The following SMYD3 variants were observed in gnomAD, a reference collection of about 807,000 sequenced individuals.
SMYD3 encodes SET and MYND domain containing 3.
A neutral mutation model predicts 57.7 loss-of-function variants in SMYD3; 36 were observed. The observed-to-expected ratio is 0.62, with a 90% CI of 0.48 to 0.82. SMYD3 has a LOEUF of 0.82. Ranked by LOEUF, SMYD3 falls within the 40% of genes least tolerant of loss-of-function variation. The probability of loss-of-function intolerance (pLI) is 0.00; values close to 1 mark genes in which losing one functional copy is unlikely to be tolerated. For synonymous variants in SMYD3, 211 were observed against 195.0 expected (o/e 1.08, Z -0.68); for missense variants, 515 against 538.8 (o/e 0.96, Z 0.44).
intron 5 of SMYD3, among the ~76,000 whole-genome samples, chr1:246,115,658 G>C (rs1001860459): frequency 6.6e-6 from 1 of 152,222 alleles, no homozygotes. Context: ...TCACTGGACA[G>C]TTGTCCCCAG....
At chr1:246,250,044 T>G (rs1479172015) in intron 5 of SMYD3, among the ~76,000 whole-genome samples, 5 of 152,178 alleles carry the variant, frequency 3.3e-5, no homozygotes, top group African/African-American at 1.2e-4. Flanking sequence ...CGCATTCCTT[T>G]CCCTCCCCCT....
chr1:246,504,485 G>C (rs2068506003), intron 1 of SMYD3, among the ~76,000 whole-genome samples: 1 of 152,148 alleles, frequency 6.6e-6, no homozygotes, highest in Admixed American at 6.6e-5. Flanking sequence ...CACAGAAAAA[G>C]TACAGTTAAA....
Position 245,863,060 on chromosome 1 carries a change from A to G in SMYD3, c.901+739T>C, listed in dbSNP as rs191474823. Among the ~76,000 whole-genome samples the G allele has an allele frequency of 1.9e-4, 29 of 152,328 alleles. 1 individual carries two copies. The highest frequency in any genetic ancestry group is 5.9e-5 in the Non-Finnish European group (4 of 68,026). On this transcript the variant is annotated intron_variant, in intron 9 of 11. Coordinates refer to ENST00000490107, the MANE Select transcript of SMYD3 (RefSeq NM_001167740.2). ...CTGCTATGTTCTTAGTGCCTGGGAT[A>G]TAAATTTACCCCAGAGCCTCTGAAT... is the stretch of plus-strand genomic sequence containing the variant.
intron 7 of SMYD3, among the ~76,000 whole-genome samples, chr1:245,919,330 CACAGTTATGT>C: frequency 6.6e-6 from 1 of 152,300 alleles, no homozygotes; most frequent in South Asian, 2.1e-4. Flanking sequence ...CCCAGCCTGT[CACAGTTATGT>C]ACATTGCTAG....
chr1:246,240,366 G>C (rs1288113501), intron 5 of SMYD3, among the ~76,000 whole-genome samples: 1 of 152,100 alleles, frequency 6.6e-6, no homozygotes, highest in Non-Finnish European at 1.5e-5. Flanking sequence ...CCCATTTCTT[G>C]TTTTTGTCAG....
chr1:246,182,533 T>A (rs1391507591), intron 5 of SMYD3, among the ~76,000 whole-genome samples: 1 of 151,758 alleles, frequency 6.6e-6, no homozygotes, highest in African/African-American at 2.4e-5. Flanking sequence ...CACCTAGATA[T>A]ATGACTCCCA....
At chr1:246,136,864 C>G (rs1015970863) in intron 5 of SMYD3, among the ~76,000 whole-genome samples, 1 of 152,200 alleles carries the variant, frequency 6.6e-6, no homozygotes, top group Admixed American at 6.5e-5. Context: ...AAAGACATTT[C>G]TTAGACTTCT....
intron 3 of SMYD3, among the ~76,000 whole-genome samples, chr1:246,332,027 G>C (rs2065470002): frequency 6.6e-6 from 1 of 152,138 alleles, no homozygotes; most frequent in Non-Finnish European, 1.5e-5. Flanking sequence ...TCAGGCCTCT[G>C]TATTCTCTGA....
intron 5 of SMYD3, among the ~76,000 whole-genome samples, chr1:246,268,948 G>A (rs950820): frequency 0.33 from 50,528 of 151,702 alleles, 9,242 homozygotes; most frequent in East Asian, 0.72. Context: ...CTTCATCACC[G>A]TTAACCCAAT....
intron 5 of SMYD3, among the ~76,000 whole-genome samples, chr1:246,208,574 C>T (rs751064333): frequency 6.6e-6 from 1 of 152,158 alleles, no homozygotes; most frequent in African/African-American, 2.4e-5. Context: ...TAGATGCAAA[C>T]ACGCAGCTCC....
intron 5 of SMYD3, among the ~76,000 whole-genome samples, chr1:245,967,645 T>C (rs2058190124): frequency 6.6e-6 from 1 of 152,204 alleles, no homozygotes; most frequent in East Asian, 1.9e-4. Flanking sequence ...ACAGACTTAG[T>C]TCAACTGGAA....
chr1:245,858,167 T>C (rs1291272852), intron 10 of SMYD3, among the ~76,000 whole-genome samples: 1 of 152,208 alleles, frequency 6.6e-6, no homozygotes, highest in African/African-American at 2.4e-5. Flanking sequence ...TGCGTTCCTC[T>C]ACAGCTCCCC....
chr1:246,216,367 A>AC (rs1023604351), intron 5 of SMYD3, among the ~76,000 whole-genome samples: 1 of 151,890 alleles, frequency 6.6e-6, no homozygotes, highest in African/African-American at 2.4e-5. Context: ...CAATATGGTG[A>AC]CCCCAACAAC....
rs1432464049 is a variant in SMYD3, at chr1:246,233,011, T to C, written c.531+94190A>G. Among the ~76,000 whole-genome samples the C allele has an allele frequency of 4.5e-5, 6 of 132,540 alleles. 1 individual carries two copies. Among genetic ancestry groups the C allele is most frequent in the African/African-American group, 1.4e-4 (5 of 36,366 alleles). The allele number at this position is 132,540 out of a possible 152,430, so 87.0% of individuals were successfully genotyped here. ...CGCAGAGGAGAAGCGCTCCTTCAAT[T>C]CACACTGTGATGAACATATACCACA... On this transcript the variant is annotated intron_variant, in intron 5 of 11. Transcript: ENST00000490107.
chr1:246,393,853 T>C (rs909108628), intron 1 of SMYD3, among the ~76,000 whole-genome samples: 4 of 152,076 alleles, frequency 2.6e-5, no homozygotes, highest in African/African-American at 9.7e-5. Context: ...AGACCCTGTC[T>C]TTATAAAAAA....
chr1:245,884,764 G>A (rs12749150), intron 8 of SMYD3, among the ~76,000 whole-genome samples: 5 of 67,428 alleles, frequency 7.4e-5, no homozygotes, highest in Admixed American at 1.5e-4. Flanking sequence ...ACCAATCAGC[G>A]CTCTGTGTCT....
rs1485768612 is a variant in SMYD3, at chr1:246,229,381, ATTGT to A, written c.531+97816_531+97819del. Among the ~76,000 whole-genome samples the A allele has an allele frequency of 5.3e-5, 8 of 152,334 alleles. 1 individual carries two copies. Among genetic ancestry groups the A allele is most frequent in the African/African-American group, 1.9e-4 (8 of 41,592 alleles). ...ATAAGTTTGTGATAGAAGGTGTTAC[ATTGT>A]TTCAGTCTACCTGCCATTGAACAAA... is the stretch of plus-strand genomic sequence containing the variant. On this transcript the variant is annotated intron_variant, in intron 5 of 11. Coordinates refer to ENST00000490107, the MANE Select transcript of SMYD3 (RefSeq NM_001167740.2).
chr1:245,875,644 T>C (rs2052445782), intron 8 of SMYD3, among the ~76,000 whole-genome samples: 2 of 152,208 alleles, frequency 1.3e-5, no homozygotes, highest in South Asian at 4.1e-4. Flanking sequence ...ATACCCCTAA[T>C]ATTCTTCCTC....
chr1:245,816,115 C>G (rs2048788433), intron 10 of SMYD3, among the ~76,000 whole-genome samples: 2 of 152,328 alleles, frequency 1.3e-5, no homozygotes, highest in African/African-American at 4.8e-5. Flanking sequence ...TTCAATGAAG[C>G]TTCTAGAGAA....
Sources: allele counts gnomAD v4.1 joint callset (sites outside exome capture counted in the v4.1 genomes callset), GRCh38; gene constraint gnomAD v4.1.1; transcripts MANE v1.5; gene names NCBI Gene and HGNC (gene_info 2026-07-23, HGNC 2026-07-21).